The following BDP1 variants were observed in gnomAD, a reference collection of about 807,000 sequenced individuals.
The protein encoded by BDP1 is transcription factor TFIIIB component B'' homolog.
A neutral mutation model predicts 266.6 loss-of-function variants in BDP1; 169 were observed. That is an observed-to-expected ratio of 0.63 (90% confidence interval 0.56 to 0.72). The LOEUF is 0.72. Among genes scored for constraint, BDP1 ranks in the 30% least tolerant of loss-of-function variants. BDP1 has a pLI of 0.00. For synonymous variants in BDP1, 1,090 were observed against 1,022.4 expected (o/e 1.07, Z -1.26); for missense variants, 3,015 against 3,053.8 (o/e 0.99, Z 0.30).
Position 71,551,771 on chromosome 5 carries a change from G to C in BDP1, c.6996-1345G>C, listed in dbSNP as rs997764967. ...CCCGGACGGGGCGGCTGGCCGGGAG[G>C]GGGGCTGACCCCCCCACCTCCCTCC... On this transcript the variant is annotated intron_variant, in intron 34 of 38. Coordinates refer to ENST00000358731, the MANE Select transcript of BDP1 (RefSeq NM_018429.3). Among the ~76,000 whole-genome samples, 4 of 149,870 alleles carry C rather than the reference G, an allele frequency of 2.7e-5. No homozygotes were observed. The East Asian group carries it at 8.1e-4, about 31-fold the overall frequency.
At chr5:71,513,879 C>T (rs1004947094) in intron 19 of BDP1, among the ~76,000 whole-genome samples, 16 of 151,790 alleles carry the variant, frequency 1.1e-4, no homozygotes, top group East Asian at 1.9e-4. Context: ...CTGCCATGTC[C>T]GGCTAATTTT....
Position 71,510,809 on chromosome 5 carries a change from G to T in BDP1, c.3717G>T (p.Lys1239Asn). The T allele has an allele frequency of 2.5e-6, 4 of 1,613,232 alleles. No individual in the cohort carries two copies. Among genetic ancestry groups the T allele is most frequent in the Middle Eastern group, 1.7e-4 (1 of 6,054 alleles). Residue 1239 changes from lysine (K) to asparagine (N), a missense_variant, in exon 17 of 39, where the codon AAG becomes AAT. Lys to Asn is a moderately conservative substitution (Grantham distance 94). Around this residue, in one of 3 missense-constraint regions of BDP1, gnomAD observed 2,383 missense variants for 2,404.9 expected, o/e 0.99. Transcript: ENST00000358731. The stretch of plus-strand genomic sequence containing the variant: ...GAGAAGAAATTTCCCAAAGGGAAAA[G>T]GTGCTAGCAGAGTTCAGTGCTATAA... ...EIREEISQRE[K>N]VLAEFSAIRE... is the part of the protein sequence containing the mutation.
In BDP1 at chr5:71,560,343, A is replaced by G. The variant is rs146313839; in HGVS notation, c.7496+106A>G. On this transcript the variant is annotated intron_variant, in intron 37 of 38. Transcript: ENST00000358731. ...ACTAAGGATGGTGTTTAATAAACATATTCCTCCATCAGTAATGTAAAGGAA... is the reference window on the plus strand; with the variant it reads ...ACTAAGGATGGTGTTTAATAAACATGTTCCTCCATCAGTAATGTAAAGGAA... 1.2e-3 allele frequency: 1,434 copies of G among 1,205,504 alleles called. 18 individuals carry two copies. The African/African-American group carries it at 0.02, about 17-fold the overall frequency. The allele number at this position is 1,205,504 out of a possible 1,614,324, so 74.7% of individuals were successfully genotyped here.
chr5:71,491,176 C>T, intron 11 of BDP1, 45 bp downstream of exon 11: 8 of 1,567,274 alleles, frequency 5.1e-6, no homozygotes, highest in Non-Finnish European at 7.0e-6. Context: ...CTGTTGATTA[C>T]TGAGAAAGGA....
At chr5:71,545,290 T>G (rs1294415700) in intron 32 of BDP1, 71 bp downstream of exon 32, 3 of 1,315,288 alleles carry the variant, frequency 2.3e-6, no homozygotes, top group Non-Finnish European at 3.2e-6. Context: ...AAGGTATAAT[T>G]TACATACAAT....
At chr5:71,558,908 C>T (rs1402020729) in intron 36 of BDP1, among the ~76,000 whole-genome samples, 1 of 151,656 alleles carries the variant, frequency 6.6e-6, no homozygotes, top group East Asian at 1.9e-4. Context: ...AATCCCAGCA[C>T]TTTGGGTTGC....
intron 25 of BDP1, among the ~76,000 whole-genome samples, chr5:71,530,592 C>T (rs924315680): frequency 5.3e-5 from 8 of 151,796 alleles, no homozygotes; most frequent in Non-Finnish European, 1.0e-4. Flanking sequence ...GCTGTGTTGT[C>T]CAGGCTGGCC....
At chr5:71,519,363 T>C (rs745525263) in intron 22 of BDP1, among the ~76,000 whole-genome samples, 4 of 152,160 alleles carry the variant, frequency 2.6e-5, no homozygotes, top group Admixed American at 6.5e-5. Flanking sequence ...TAAATGATTG[T>C]TAACTATAAT....
At chr5:71,513,063 C>CAA (rs34252624) in intron 18 of BDP1, 122 bp from the exon 19 acceptor site, 1,374 of 414,986 alleles carry the variant, frequency 3.3e-3, no homozygotes, top group East Asian at 5.5e-3. Context: ...ACCCTGTCTC[C>CAA]AAAAAAAAAA....
At position 71,545,342 on chromosome 5, in the gene BDP1, T is replaced by C. The variant is rs1742207711; in HGVS notation, c.6744+123T>C. On this transcript the variant is annotated intron_variant, in intron 32 of 38. Transcript: ENST00000358731. Reference sequence around the variant, plus strand: ...ATCTTCATTTTTCTTTATTTCTTCTTTTTTTTTTGGAGACAGTCTTGTTCT... The same window carrying C: ...ATCTTCATTTTTCTTTATTTCTTCTCTTTTTTTTGGAGACAGTCTTGTTCT... The C allele has an allele frequency of 8.3e-6, 8 of 960,084 alleles. No homozygotes were observed. The Admixed American group carries it at 1.1e-4, about 13-fold the overall frequency. 59.5% of individuals were successfully genotyped at this position (960,084 alleles called of 1,614,324 possible). A position where few individuals can be genotyped will look rare whatever the true frequency, so the allele number is the denominator to read the frequency against.
chr5:71,513,511 G>C (rs944571433), intron 19 of BDP1, 104 bp downstream of exon 19: 1 of 741,318 alleles, frequency 1.3e-6, no homozygotes, highest in Non-Finnish European at 2.2e-6. Context: ...AAATATTTCT[G>C]TGTAATTTTT....
At chr5:71,500,483 G>A (rs1019974905) in intron 13 of BDP1, among the ~76,000 whole-genome samples, 3 of 151,696 alleles carry the variant, frequency 2.0e-5, no homozygotes, top group East Asian at 1.9e-4. Context: ...GCGCCACCAT[G>A]CCCGGCTAAT....
At chr5:71,553,089 T>C in intron 34 of BDP1, 27 bp from the exon 35 acceptor site, 3 of 1,541,756 alleles carry the variant, frequency 1.9e-6, no homozygotes. Context: ...AATTCAGTAA[T>C]TTAGTATGTA....
At chr5:71,515,978 G>A in intron 20 of BDP1, 83 bp from the exon 21 acceptor site, 1 of 908,986 alleles carries the variant, frequency 1.1e-6, no homozygotes. Context: ...TTTATTAGAG[G>A]AGATCCAAAT....
chr5:71,571,842 G>A (rs892202975), downstream of BDP1, among the ~76,000 whole-genome samples: 2 of 151,958 alleles, frequency 1.3e-5, no homozygotes, highest in African/African-American at 4.8e-5. Context: ...GGTTGGTCTC[G>A]AACTCCTGAC....
At chr5:71,513,120 A>G in intron 18 of BDP1, 65 bp from the exon 19 acceptor site, 1 of 1,113,810 alleles carries the variant, frequency 9.0e-7, no homozygotes, top group Non-Finnish European at 1.3e-6. Context: ...CTAAGGTTGT[A>G]CTGAGACTCC....
At chr5:71,552,675 T>A (rs1444120332) in intron 34 of BDP1, among the ~76,000 whole-genome samples, 1 of 152,098 alleles carries the variant, frequency 6.6e-6, no homozygotes, top group East Asian at 1.9e-4. Context: ...CGAAAACCAG[T>A]CAGGTGTGGT....
chr5:71,535,040 G>T (rs1003173080), intron 26 of BDP1, among the ~76,000 whole-genome samples: 2 of 152,032 alleles, frequency 1.3e-5, no homozygotes, highest in Non-Finnish European at 2.9e-5. Context: ...CAACTTCTTT[G>T]GTGGATTCCT....
intron 26 of BDP1, among the ~76,000 whole-genome samples, chr5:71,533,413 G>C (rs1002992290): frequency 2.7e-5 from 4 of 148,288 alleles, no homozygotes; most frequent in Non-Finnish European, 5.9e-5. Context: ...GAGGGTTCCT[G>C]TTCTTCCATG....
Sources: allele counts gnomAD v4.1 joint callset (sites outside exome capture counted in the v4.1 genomes callset), GRCh38; gene constraint gnomAD v4.1.1; regional missense constraint gnomAD v4.1.1; transcripts MANE v1.5; gene names NCBI Gene and HGNC (gene_info 2026-07-23, HGNC 2026-07-21).